Variants in RUNX1 observed in about 807,000 individuals in gnomAD.
The protein encoded by RUNX1 is runt-related transcription factor 1.
RUNX1 carries 19 observed loss-of-function variants against 42.8 expected under a neutral mutation model. The observed-to-expected ratio is 0.44, with a 90% CI of 0.31 to 0.65. RUNX1 has a LOEUF of 0.65. Ranked by LOEUF, RUNX1 falls within the 30% of genes least tolerant of loss-of-function variation. RUNX1 has a pLI of 0.07. For synonymous variants in RUNX1, 271 were observed against 289.4 expected, an observed-to-expected ratio of 0.94 and a Z score of 0.64; for missense variants, 528 against 672.0, an observed-to-expected ratio of 0.79 and a Z score of 2.37.
chr21:34,999,173 G>A (rs1286724399), intron 2 of RUNX1, among the ~76,000 whole-genome samples: 2 of 152,218 alleles, frequency 1.3e-5, no homozygotes, highest in Non-Finnish European at 2.9e-5. Context: ...CAGAGCCGGA[G>A]CTTGGAGGCT....
At chr21:35,010,889 G>A (rs972107259) in intron 2 of RUNX1, among the ~76,000 whole-genome samples, 80 of 152,162 alleles carry the variant, frequency 5.3e-4, no homozygotes, top group African/African-American at 1.9e-3. Context: ...TGGAAAAATC[G>A]GATTCATCAA....
At chr21:34,875,332 A>T in intron 5 of RUNX1, among the ~76,000 whole-genome samples, 1 of 152,246 alleles carries the variant, frequency 6.6e-6, no homozygotes, top group East Asian at 1.9e-4. Context: ...ACATCAGATC[A>T]TGGAGGCAAG....
rs1569108308 is a variant in RUNX1, at chr21:34,926,512, ATCTGTCAGCATTTTGATCTACAAC to A, written c.59-33573_59-33550del. ...ACAGCACATATTTATTATTGACTAA[ATCTGTCAGCATTTTGATCTACAAC>A]AAACACAAATTGTGTTTTTCTACAG... is the stretch of plus-strand genomic sequence containing the variant. On this transcript the variant is annotated intron_variant, in intron 2 of 8. Transcript: ENST00000675419. Among the ~76,000 whole-genome samples, 57 of 48,010 alleles carry A rather than the reference ATCTGTCAGCATTTTGATCTACAAC, an allele frequency of 1.2e-3. 7 individuals carry two copies. The highest frequency in any genetic ancestry group is 2.4e-3 in the South Asian group (2 of 846). The allele number at this position is 48,010 out of a possible 152,430, so 31.5% of individuals were successfully genotyped here.
At chr21:34,878,316 A>G (rs1373780948) in intron 5 of RUNX1, among the ~76,000 whole-genome samples, 1 of 149,716 alleles carries the variant, frequency 6.7e-6, no homozygotes, top group Non-Finnish European at 1.5e-5. Flanking sequence ...GGGCCTTCAG[A>G]CAGCTCATTT....
intron 7 of RUNX1, among the ~76,000 whole-genome samples, chr21:34,816,443 GT>G (rs1404557131): frequency 6.8e-6 from 1 of 147,400 alleles, no homozygotes; most frequent in African/African-American, 2.5e-5. Context: ...TGGTGGTTGA[GT>G]TTTTACTGTC....
chr21:34,798,608 TA>T (rs1000226822), intron 8 of RUNX1, among the ~76,000 whole-genome samples: 16 of 151,858 alleles, frequency 1.1e-4, no homozygotes, highest in African/African-American at 3.4e-4. Context: ...AAAATATTAT[TA>T]AAAAAAAGGA....
At chr21:34,893,913 A>T (rs2058107903) in intron 2 of RUNX1, among the ~76,000 whole-genome samples, 1 of 152,176 alleles carries the variant, frequency 6.6e-6, no homozygotes, top group Non-Finnish European at 1.5e-5. Flanking sequence ...AACAACTAAA[A>T]TAAGAGGTTC....
chr21:35,035,490 A>G (rs2059301356), intron 2 of RUNX1, among the ~76,000 whole-genome samples: 1 of 152,148 alleles, frequency 6.6e-6, no homozygotes, highest in Admixed American at 6.5e-5. Flanking sequence ...TGCTTTTGTA[A>G]CCTGGTTTTT....
intron 2 of RUNX1, among the ~76,000 whole-genome samples, chr21:34,930,377 T>C (rs548698251): frequency 6.6e-6 from 1 of 151,078 alleles, no homozygotes; most frequent in East Asian, 1.9e-4. Context: ...ATGACATGAC[T>C]AGAGGAGGGA....
chr21:34,835,054 G>A (rs916738214), intron 6 of RUNX1, among the ~76,000 whole-genome samples: 19 of 152,198 alleles, frequency 1.2e-4, no homozygotes, highest in African/African-American at 3.4e-4. Context: ...CCACTGGCAC[G>A]TTTTAGAGGC....
intron 7 of RUNX1, among the ~76,000 whole-genome samples, chr21:34,807,175 T>C (rs1161341850): frequency 1.3e-5 from 2 of 152,114 alleles, no homozygotes; most frequent in African/African-American, 4.8e-5. Flanking sequence ...CAAAATATCT[T>C]GTTCTTTGAA....
At chr21:34,968,537 C>T (rs553826432) in intron 2 of RUNX1, among the ~76,000 whole-genome samples, 2 of 152,148 alleles carry the variant, frequency 1.3e-5, no homozygotes, top group Non-Finnish European at 2.9e-5. Context: ...CTCCCTGTTG[C>T]CTTCTTATTC....
chr21:35,007,441 C>T (rs2146897889), intron 2 of RUNX1, among the ~76,000 whole-genome samples: 1 of 152,310 alleles, frequency 6.6e-6, no homozygotes, highest in African/African-American at 2.4e-5. Flanking sequence ...GGGTCTCCAT[C>T]CCTGCATCCC....
At chr21:35,021,889 A>T (rs550912327) in intron 2 of RUNX1, among the ~76,000 whole-genome samples, 3 of 152,342 alleles carry the variant, frequency 2.0e-5, no homozygotes, top group Admixed American at 2.0e-4. Context: ...CTCCTCTCAT[A>T]AGGCGGAAGA....
At chr21:34,846,561 C>CT (rs1468267835) in intron 6 of RUNX1, among the ~76,000 whole-genome samples, 1 of 152,128 alleles carries the variant, frequency 6.6e-6, no homozygotes, top group Non-Finnish European at 1.5e-5. Flanking sequence ...GATGAGGAAT[C>CT]TGAGGGTCTA....
At chr21:34,890,296 C>T (rs2058065719) in intron 3 of RUNX1, among the ~76,000 whole-genome samples, 1 of 152,084 alleles carries the variant, frequency 6.6e-6, no homozygotes, top group Non-Finnish European at 1.5e-5. Flanking sequence ...TGCGGCCCGC[C>T]TCGTGGCCTT....
At chr21:35,048,318 C>T (rs2059415387) in intron 2 of RUNX1, among the ~76,000 whole-genome samples, 1 of 152,242 alleles carries the variant, frequency 6.6e-6, no homozygotes, top group South Asian at 2.1e-4. Context: ...GCCACTTTGG[C>T]CCTGAAGTCC....
In RUNX1 at chr21:34,887,784, T is replaced by TAC. The variant is rs1221250846; in HGVS notation, c.98-690_98-689dup. The TAC allele has an allele frequency of 6.6e-6, 7 of 1,062,228 alleles. No homozygotes were observed. The East Asian group carries it at 3.6e-4, about 54-fold the overall frequency. 65.8% of individuals were successfully genotyped at this position (1,062,228 alleles called of 1,614,324 possible). ...TAAACACAACAGAAATCCATTAATG[T>TAC]ACGCTGCAGATTTTTTTAAGTAGCC... On this transcript the variant is annotated intron_variant, in intron 3 of 8. Coordinates refer to ENST00000675419, the MANE Select transcript of RUNX1 (RefSeq NM_001754.5).
intron 5 of RUNX1, among the ~76,000 whole-genome samples, chr21:34,866,072 C>T (rs1243857985): frequency 6.6e-6 from 1 of 152,142 alleles, no homozygotes; most frequent in Non-Finnish European, 1.5e-5. Flanking sequence ...TGTCACTCTC[C>T]TTAGTGTAGG....
Sources: allele counts gnomAD v4.1 joint callset (sites outside exome capture counted in the v4.1 genomes callset), GRCh38; gene constraint gnomAD v4.1.1; transcripts MANE v1.5; gene names NCBI Gene and HGNC (gene_info 2026-07-23, HGNC 2026-07-21).